Variants in PDS5B observed in about 807,000 individuals in gnomAD.
The protein encoded by PDS5B is PDS5 cohesin associated factor B.
A neutral mutation model predicts 184.1 loss-of-function variants in PDS5B; 51 were observed. The observed-to-expected ratio is 0.28, with a 90% CI of 0.22 to 0.35. The LOEUF (loss-of-function observed/expected upper bound fraction) is 0.35, where lower values mean the gene tolerates loss of function less well. Ranked by LOEUF, PDS5B falls within the 10% of genes least tolerant of loss-of-function variation. PDS5B has a pLI of 1.00. For synonymous variants in PDS5B, 566 were observed against 569.2 expected (o/e 0.99, Z 0.08); for missense variants, 1,180 against 1,723.3 (o/e 0.68, Z 5.58).
intron 24 of PDS5B, among the ~76,000 whole-genome samples, chr13:32,753,049 A>G (rs888147664): frequency 3.9e-5 from 6 of 152,142 alleles, no homozygotes; most frequent in African/African-American, 1.2e-4. Context: ...TAATTTTTGT[A>G]TCTTATTTAA....
At chr13:32,747,049 T>C (rs1782069062) in intron 24 of PDS5B, among the ~76,000 whole-genome samples, 1 of 152,204 alleles carries the variant, frequency 6.6e-6, no homozygotes, top group Non-Finnish European at 1.5e-5. Flanking sequence ...TCCTTATTAC[T>C]CAGTGAGTTA....
chr13:32,659,349 G>T, intron 6 of PDS5B, 69 bp downstream of exon 6: 1 of 1,201,706 alleles, frequency 8.3e-7, no homozygotes, highest in Non-Finnish European at 1.1e-6. Flanking sequence ...TTGTGCTTAG[G>T]TTCTAAATAT....
chr13:32,647,680 T>G (rs1950261972), intron 1 of PDS5B, among the ~76,000 whole-genome samples: 2 of 152,220 alleles, frequency 1.3e-5, no homozygotes, highest in African/African-American at 4.8e-5. Flanking sequence ...AAAAAAAATC[T>G]TCTAGTTTAG....
intron 26 of PDS5B, among the ~76,000 whole-genome samples, chr13:32,756,458 A>AG (rs1406908124): frequency 1.3e-5 from 2 of 152,216 alleles, no homozygotes; most frequent in African/African-American, 4.8e-5. Flanking sequence ...AGAGTTTAAA[A>AG]TATTTGTAAT....
chr13:32,635,954 A>G (rs745937153), intron 1 of PDS5B, among the ~76,000 whole-genome samples: 6 of 151,586 alleles, frequency 4.0e-5, no homozygotes, highest in Non-Finnish European at 8.8e-5. Flanking sequence ...TATTTTTAGT[A>G]GAGACGGGGT....
At chr13:32,729,831 T>C (rs1383213474) in intron 19 of PDS5B, among the ~76,000 whole-genome samples, 1 of 152,234 alleles carries the variant, frequency 6.6e-6, no homozygotes, top group African/African-American at 2.4e-5. Flanking sequence ...TTGTAGATTC[T>C]GGATATTAGC....
intron 12 of PDS5B, among the ~76,000 whole-genome samples, chr13:32,687,727 T>G (rs1951436460): frequency 6.6e-6 from 1 of 152,210 alleles, no homozygotes; most frequent in Non-Finnish European, 1.5e-5. Context: ...AATCTTAATA[T>G]TTTTTCCATT....
intron 22 of PDS5B, among the ~76,000 whole-genome samples, chr13:32,741,364 A>G (rs1045306630): frequency 6.6e-6 from 1 of 152,136 alleles, no homozygotes; most frequent in African/African-American, 2.4e-5. Flanking sequence ...GGAGAAAAAA[A>G]GGTTTGAAAG....
chr13:32,624,056 C>A (rs1441960383), intron 1 of PDS5B, among the ~76,000 whole-genome samples: 1 of 151,958 alleles, frequency 6.6e-6, no homozygotes, highest in African/African-American at 2.4e-5. Context: ...AAAATTGTTA[C>A]ACTTGAAATT....
At position 32,663,694 on chromosome 13, in the gene PDS5B, T is replaced by A. The variant is rs59344749; in HGVS notation, c.625-4070T>A. Among the ~76,000 whole-genome samples, 1,493 of 152,184 alleles carry A rather than the reference T, an allele frequency of 9.8e-3. 35 individuals are homozygous for A. The highest frequency in any genetic ancestry group is 0.034 in the African/African-American group (1,395 of 41,492). Reference sequence around the variant, plus strand: ...TTCAGGCAAAAAGGCAAACATGCTTTAAAAAAAATTTGTATTTATTTATAT... The same window carrying A: ...TTCAGGCAAAAAGGCAAACATGCTTAAAAAAAAATTTGTATTTATTTATAT... On this transcript the variant is annotated intron_variant, in intron 6 of 34. Coordinates refer to ENST00000315596, the MANE Select transcript of PDS5B (RefSeq NM_015032.4).
intron 1 of PDS5B, among the ~76,000 whole-genome samples, chr13:32,624,379 G>A (rs2140546914): frequency 6.6e-6 from 1 of 152,060 alleles, no homozygotes. Flanking sequence ...TTCAGTTACT[G>A]GTTTTTGTAA....
In PDS5B at chr13:32,765,045, C is replaced by T. The variant is rs61945194; in HGVS notation, c.3624+451C>T. 1.1e-4 allele frequency among the ~76,000 whole-genome samples: 17 copies of T among 152,094 alleles called. 1 individual carries two copies. Among genetic ancestry groups the T allele is most frequent in the Non-Finnish European group, 2.2e-4 (15 of 68,012 alleles). The stretch of plus-strand genomic sequence containing the variant: ...TAAAGGTAGAAAATGCTATAGTTCT[C>T]GTCAAGTCCTTGTTCAGTTTTTAAA... On this transcript the variant is annotated intron_variant, in intron 31 of 34. Transcript: ENST00000315596.
chr13:32,763,183 C>G (rs944729850), intron 30 of PDS5B, among the ~76,000 whole-genome samples: 1 of 151,980 alleles, frequency 6.6e-6, no homozygotes, highest in East Asian at 1.9e-4. Flanking sequence ...GAGAGGTAGT[C>G]TGATTATGTT....
chr13:32,648,032 G>A (rs1950271519), intron 1 of PDS5B, among the ~76,000 whole-genome samples: 1 of 152,198 alleles, frequency 6.6e-6, no homozygotes, highest in Non-Finnish European at 1.5e-5. Context: ...GGTCATGTCA[G>A]CCCCAGCAAG....
intron 1 of PDS5B, among the ~76,000 whole-genome samples, chr13:32,648,200 G>T (rs1247716738): frequency 1.3e-5 from 2 of 152,226 alleles, no homozygotes; most frequent in African/African-American, 4.8e-5. Context: ...TCCTTTGCAG[G>T]TATATCTTCT....
rs550963815 is a variant in PDS5B at position 32,774,295 on chromosome 13, A to G, written c.4309-722A>G. 2.6e-3 allele frequency among the ~76,000 whole-genome samples: 399 copies of G among 152,288 alleles called. 2 individuals carry two copies. The highest frequency in any genetic ancestry group is 8.1e-3 in the African/African-American group (337 of 41,562). On this transcript the variant is annotated intron_variant, in intron 34 of 34. Transcript: ENST00000315596. ...CCTGTTTAATGGAATCAGAACTCCT[A>G]TCTGTACCAGGATTCATATTTGTGA...
chr13:32,691,937 T>G (rs1951561966), intron 13 of PDS5B, among the ~76,000 whole-genome samples: 2 of 152,096 alleles, frequency 1.3e-5, no homozygotes, highest in South Asian at 4.1e-4. Context: ...TATTGATCTT[T>G]TATAGTTTTA....
intron 13 of PDS5B, chr13:32,689,764 T>A (rs1364857595): frequency 6.5e-4 from 99 of 152,196 alleles, no homozygotes; most frequent in Admixed American, 6.4e-3. Flanking sequence ...TAAACTTTTC[T>A]CTGGAATTGA....
At chr13:32,756,666 CTATTA>C (rs755019727) in intron 26 of PDS5B, among the ~76,000 whole-genome samples, 1 of 151,960 alleles carries the variant, frequency 6.6e-6, no homozygotes, top group Non-Finnish European at 1.5e-5. Flanking sequence ...CTTTAGTTTC[CTATTA>C]TATTAAAATG....
Sources: gnomAD v4.1 joint callset for allele counts (sites outside exome capture counted in the v4.1 genomes callset) on GRCh38, gnomAD v4.1.1 for gene constraint, MANE v1.5 for transcripts, NCBI Gene and HGNC (gene_info 2026-07-23, HGNC 2026-07-21) for gene names.